The following PIBF1 variants were observed in gnomAD, a reference collection of about 807,000 sequenced individuals.
PIBF1 encodes the protein progesterone-induced-blocking factor 1.
In PIBF1, 90 loss-of-function variants were observed where a neutral mutation model predicts 112.5. The observed-to-expected ratio is 0.80, with a 90% CI of 0.67 to 0.95. The LOEUF (loss-of-function observed/expected upper bound fraction) is 0.95, where lower values mean the gene tolerates loss of function less well. Among genes scored for constraint, PIBF1 ranks in the 40% least tolerant of loss-of-function variants. The pLI is 0.00. For synonymous variants in PIBF1, 301 were observed against 288.6 expected (o/e 1.04, Z -0.44); for missense variants, 915 against 852.3 (o/e 1.07, Z -0.92).
rs1262709135 is a variant in PIBF1, at chr13:72,958,682, G to A, written c.1834-6592G>A. ...ACAAAGAGGTCATACCTGAGACACAGAGTTTCACCAATATTTTAATTGGTT... is the reference window on the plus strand; with the variant it reads ...ACAAAGAGGTCATACCTGAGACACAAAGTTTCACCAATATTTTAATTGGTT... On this transcript the variant is annotated intron_variant, in intron 14 of 17. Transcript: ENST00000326291. Among the ~76,000 whole-genome samples, 16 of 152,178 alleles carry A rather than the reference G, an allele frequency of 1.1e-4. 1 individual carries two copies. The highest frequency in any genetic ancestry group is 1.0e-3 in the Admixed American group (16 of 15,272).
chr13:72,833,058 T>C (rs535005365), intron 8 of PIBF1, among the ~76,000 whole-genome samples: 2 of 152,224 alleles, frequency 1.3e-5, no homozygotes, highest in Non-Finnish European at 2.9e-5. Context: ...TTGATCGATT[T>C]GGCTTTTGAA....
intron 14 of PIBF1, among the ~76,000 whole-genome samples, chr13:72,961,167 T>C (rs2042595038): frequency 6.6e-6 from 1 of 151,932 alleles, no homozygotes; most frequent in South Asian, 2.1e-4. Context: ...CAAGCAGACA[T>C]CCTCTAACAG....
chr13:72,905,493 GA>G (rs1350106062), intron 11 of PIBF1, among the ~76,000 whole-genome samples: 1 of 152,050 alleles, frequency 6.6e-6, no homozygotes, highest in Non-Finnish European at 1.5e-5. Context: ...AAGCCTTAGT[GA>G]AAAACATAAA....
chr13:72,934,124 A>G (rs544902897), intron 14 of PIBF1, among the ~76,000 whole-genome samples: 1 of 152,238 alleles, frequency 6.6e-6, no homozygotes, highest in African/African-American at 2.4e-5. Flanking sequence ...AAAGTATTCT[A>G]TGGACTTTAC....
chr13:72,816,777 AATT>A (rs1042915922), intron 5 of PIBF1, among the ~76,000 whole-genome samples: 13 of 151,986 alleles, frequency 8.6e-5, no homozygotes, highest in African/African-American at 2.4e-4. Flanking sequence ...ATGTAATAGA[AATT>A]ATTAAGATTT....
intron 10 of PIBF1, chr13:72,881,160 G>A (rs1251917507): frequency 6.7e-6 from 1 of 150,374 alleles, no homozygotes; most frequent in Non-Finnish European, 1.5e-5. Context: ...CAGGAACCAT[G>A]CTAATTTTCT....
chr13:72,910,784 A>G (rs1467654130), intron 12 of PIBF1, among the ~76,000 whole-genome samples: 2 of 152,220 alleles, frequency 1.3e-5, no homozygotes, highest in Non-Finnish European at 2.9e-5. Context: ...ATATACTAGA[A>G]GTAAACAATT....
intron 15 of PIBF1, among the ~76,000 whole-genome samples, chr13:72,972,854 C>T (rs1222981533): frequency 1.3e-5 from 2 of 152,124 alleles, no homozygotes; most frequent in African/African-American, 2.4e-5. Flanking sequence ...ATACCTGATT[C>T]ACTTACTTAA....
chr13:72,972,670 A>G (rs2042927336), intron 15 of PIBF1, among the ~76,000 whole-genome samples: 2 of 152,080 alleles, frequency 1.3e-5, no homozygotes, highest in African/African-American at 4.8e-5. Context: ...TCTCAAAAAA[A>G]AAAAAAATGT....
intron 17 of PIBF1, among the ~76,000 whole-genome samples, chr13:73,007,036 A>G (rs1195709970): frequency 6.6e-6 from 1 of 150,984 alleles, no homozygotes; most frequent in Non-Finnish European, 1.5e-5. Flanking sequence ...TGTAAAATAT[A>G]TATGCATATA....
intron 16 of PIBF1, among the ~76,000 whole-genome samples, chr13:72,980,706 G>A (rs2043135315): frequency 6.6e-6 from 1 of 151,624 alleles, no homozygotes; most frequent in East Asian, 2.0e-4. Context: ...GAGGTGGGAG[G>A]ATCTGGGAGA....
chr13:72,912,213 G>C (rs143470517), intron 12 of PIBF1, among the ~76,000 whole-genome samples: 142 of 152,110 alleles, frequency 9.3e-4, no homozygotes, highest in African/African-American at 3.2e-3. Context: ...ACTACCTGTA[G>C]AGCTATAAAA....
chr13:73,007,473 G>A (rs2044069952), intron 17 of PIBF1, among the ~76,000 whole-genome samples: 1 of 152,108 alleles, frequency 6.6e-6, no homozygotes, highest in South Asian at 2.1e-4. Context: ...GTTACCAAGA[G>A]CCAGCAAACT....
chr13:72,951,481 T>A (rs1469659894), intron 14 of PIBF1, among the ~76,000 whole-genome samples: 5 of 152,172 alleles, frequency 3.3e-5, no homozygotes, highest in Non-Finnish European at 5.9e-5. Context: ...TTTATTTTTT[T>A]AAAAACAGAT....
chr13:72,918,545 A>G (rs1266522956), intron 13 of PIBF1, among the ~76,000 whole-genome samples: 7 of 149,370 alleles, frequency 4.7e-5, no homozygotes, highest in Admixed American at 4.7e-4. Context: ...GCACCACCAC[A>G]CCCTGCTAAT....
chr13:72,785,638 C>T (rs2034559324), intron 2 of PIBF1, among the ~76,000 whole-genome samples: 1 of 152,192 alleles, frequency 6.6e-6, no homozygotes, highest in African/African-American at 2.4e-5. Context: ...ATCCATGCAT[C>T]CAGTGGTTTC....
At chr13:72,997,345 T>C (rs1346116875) in intron 16 of PIBF1, among the ~76,000 whole-genome samples, 1 of 152,168 alleles carries the variant, frequency 6.6e-6, no homozygotes, top group Non-Finnish European at 1.5e-5. Context: ...GTGGAGCATA[T>C]AAATGAAACA....
rs1344661789 is a variant in PIBF1 at position 72,988,042 on chromosome 13, T to C, written c.2050-10780T>C. Among the ~76,000 whole-genome samples, 4 of 151,450 alleles carry C rather than the reference T, an allele frequency of 2.6e-5. No homozygotes were observed. In the East Asian group the frequency reaches 7.8e-4, roughly 30 times the overall value. On this transcript the variant is annotated intron_variant, in intron 16 of 17. Transcript: ENST00000326291. The stretch of plus-strand genomic sequence containing the variant: ...CAGGCCCGGCTAATTTTTGTATTTT[T>C]AGTAGAGACGGGGTTTCACCATGCT...
At chr13:72,835,985 GCTAC>G in intron 9 of PIBF1, 1 of 328,266 alleles carries the variant, frequency 3.0e-6, no homozygotes, top group East Asian at 8.7e-5. Context: ...TGTAATCCCA[GCTAC>G]TCGGGAGGCT....
Sources: allele counts gnomAD v4.1 joint callset (sites outside exome capture counted in the v4.1 genomes callset), GRCh38; gene constraint gnomAD v4.1.1; transcripts MANE v1.5; gene names NCBI Gene and HGNC (gene_info 2026-07-23, HGNC 2026-07-21).